The following RAB6B variants were observed in gnomAD, a reference collection of about 807,000 sequenced individuals.
The protein encoded by RAB6B is ras-related protein Rab-6B.
In RAB6B, 7 loss-of-function variants were observed where a neutral mutation model predicts 31.2. The ratio of observed to expected loss-of-function variants is 0.22; its 90% CI spans 0.13 to 0.42. The LOEUF (loss-of-function observed/expected upper bound fraction) is 0.42, where lower values mean the gene tolerates loss of function less well. Ranked by LOEUF, RAB6B falls within the 10% of genes least tolerant of loss-of-function variation. The pLI is 1.00. For missense variants in RAB6B, 149 were observed against 280.6 expected, an observed-to-expected ratio of 0.53 and a Z score of 3.35; for synonymous variants, 105 against 104.9, an observed-to-expected ratio of 1.00 and a Z score of -0.01.
At chr3:133,878,832 T>G (rs765112671) in intron 1 of RAB6B, among the ~76,000 whole-genome samples, 1 of 152,216 alleles carries the variant, frequency 6.6e-6, no homozygotes, top group Non-Finnish European at 1.5e-5. Context: ...CAGAATTCTA[T>G]ACCTAGCAAA....
chr3:133,855,516 A>T (rs1279247294), intron 2 of RAB6B, among the ~76,000 whole-genome samples: 1 of 152,242 alleles, frequency 6.6e-6, no homozygotes, highest in East Asian at 1.9e-4. Context: ...GTTAAATTTC[A>T]TCAATATCAG....
intron 2 of RAB6B, among the ~76,000 whole-genome samples, chr3:133,849,179 CCT>C (rs1291349172): frequency 6.6e-6 from 1 of 152,116 alleles, no homozygotes; most frequent in Non-Finnish European, 1.5e-5. Flanking sequence ...TTTTCTGAGC[CCT>C]CAGGTTGGTC....
intron 2 of RAB6B, among the ~76,000 whole-genome samples, chr3:133,851,693 C>T (rs544145259): frequency 2.5e-4 from 38 of 152,236 alleles, no homozygotes; most frequent in African/African-American, 7.9e-4. Context: ...GTGGCTTGCA[C>T]GACTGGGAAC....
chr3:133,869,518 G>A (rs2108006584), intron 1 of RAB6B, among the ~76,000 whole-genome samples: 1 of 152,372 alleles, frequency 6.6e-6, no homozygotes, highest in Non-Finnish European at 1.5e-5. Context: ...GCAGGATGGT[G>A]TGAACAGGTG....
intron 1 of RAB6B, among the ~76,000 whole-genome samples, chr3:133,889,485 A>G: frequency 7.2e-6 from 1 of 139,698 alleles, no homozygotes; most frequent in African/African-American, 2.6e-5. Context: ...CCCAGGGTGG[A>G]GTGCAGTGGT....
In RAB6B at chr3:133,826,583, C is replaced by G. The variant is rs558332672; in HGVS notation, c.*2205G>C. 6.5e-6 allele frequency: 1 copy of G among 152,826 alleles called. No individual in the cohort carries two copies. The highest frequency in any genetic ancestry group is 2.4e-5 in the African/African-American group (1 of 41,594). 9.5% of individuals were successfully genotyped at this position (152,826 alleles called of 1,614,324 possible). Reference sequence around the variant, plus strand: ...AATTCTCTCGAGGTAAGTAAGCACTCTTCCAACAAGCACCACTTGGGGGTG... The same window carrying G: ...AATTCTCTCGAGGTAAGTAAGCACTGTTCCAACAAGCACCACTTGGGGGTG... On this transcript the variant is annotated 3_prime_UTR_variant, in exon 8 of 8. Coordinates refer to ENST00000285208, the MANE Select transcript of RAB6B (RefSeq NM_016577.4).
At chr3:133,882,397 C>T (rs1407202539) in intron 1 of RAB6B, among the ~76,000 whole-genome samples, 1 of 152,180 alleles carries the variant, frequency 6.6e-6, no homozygotes, top group Non-Finnish European at 1.5e-5. Context: ...GGGGAGGAGG[C>T]TATGCAAGGG....
At chr3:133,858,686 T>C (rs1936116574) in intron 2 of RAB6B, among the ~76,000 whole-genome samples, 1 of 152,220 alleles carries the variant, frequency 6.6e-6, no homozygotes. Context: ...GCTGCGATAC[T>C]TGGGACCAGA....
intron 7 of RAB6B, 145 bp downstream of exon 7, chr3:133,834,430 G>T: frequency 1.2e-6 from 1 of 837,812 alleles, no homozygotes; most frequent in Non-Finnish European, 2.0e-6. Context: ...GCTGCATCCC[G>T]CCTAGAGGAG....
chr3:133,882,312 A>G (rs1213994192), intron 1 of RAB6B, among the ~76,000 whole-genome samples: 1 of 152,172 alleles, frequency 6.6e-6, no homozygotes, highest in Non-Finnish European at 1.5e-5. Context: ...ACATAACCTG[A>G]TTGAAGGAAT....
chr3:133,844,076 C>T (rs1935874521), intron 2 of RAB6B, among the ~76,000 whole-genome samples: 1 of 152,172 alleles, frequency 6.6e-6, no homozygotes, highest in African/African-American at 2.4e-5. Context: ...ATGATGACAA[C>T]CCCATCACAC....
chr3:133,835,676 C>T (rs1218873032), intron 6 of RAB6B, among the ~76,000 whole-genome samples: 2 of 152,036 alleles, frequency 1.3e-5, no homozygotes, highest in Non-Finnish European at 2.9e-5. Flanking sequence ...AACAGAATCT[C>T]CAATGTGACA....
chr3:133,877,523 G>A (rs1320311615), intron 1 of RAB6B, among the ~76,000 whole-genome samples: 3 of 152,188 alleles, frequency 2.0e-5, no homozygotes, highest in East Asian at 3.9e-4. Flanking sequence ...TCTGGCCACA[G>A]CTAGCAAATC....
At chr3:133,892,334 C>T (rs1430999794) in intron 1 of RAB6B, among the ~76,000 whole-genome samples, 1 of 152,188 alleles carries the variant, frequency 6.6e-6, no homozygotes, top group Non-Finnish European at 1.5e-5. Context: ...CAAGCTGACA[C>T]TGTCAGCCAG....
chr3:133,881,771 G>T (rs914701870), intron 1 of RAB6B, among the ~76,000 whole-genome samples: 3 of 152,188 alleles, frequency 2.0e-5, no homozygotes, highest in Non-Finnish European at 4.4e-5. Flanking sequence ...GACCAGGCTG[G>T]CTACTTAACC....
intron 2 of RAB6B, among the ~76,000 whole-genome samples, chr3:133,846,844 AT>A (rs1935914854): frequency 1.3e-5 from 2 of 152,240 alleles, no homozygotes; most frequent in African/African-American, 4.8e-5. Flanking sequence ...TCAGCCTAGA[AT>A]TCTATAGCTG....
At chr3:133,887,796 A>G (rs1486080898) in intron 1 of RAB6B, among the ~76,000 whole-genome samples, 1 of 152,182 alleles carries the variant, frequency 6.6e-6, no homozygotes, top group Admixed American at 6.5e-5. Context: ...GGAACCAGCC[A>G]TTTAGTTTAA....
At chr3:133,881,361 T>G (rs561370701) in intron 1 of RAB6B, among the ~76,000 whole-genome samples, 26 of 152,380 alleles carry the variant, frequency 1.7e-4, no homozygotes, top group African/African-American at 6.3e-4. Flanking sequence ...ACTATCTCTT[T>G]CGGTGCACAG....
chr3:133,875,795 G>T (rs964408339), intron 1 of RAB6B, among the ~76,000 whole-genome samples: 1 of 152,150 alleles, frequency 6.6e-6, no homozygotes, highest in Non-Finnish European at 1.5e-5. Flanking sequence ...GAGGACTAAT[G>T]ACTTGGGGTA....
Sources: allele counts gnomAD v4.1 joint callset (sites outside exome capture counted in the v4.1 genomes callset), GRCh38; gene constraint gnomAD v4.1.1; transcripts MANE v1.5; gene names NCBI Gene and HGNC (gene_info 2026-07-23, HGNC 2026-07-21).